NRXN1: variants seen among roughly 807,000 people sequenced by gnomAD.
NRXN1 encodes the protein neurexin-1.
NRXN1 carries 39 observed loss-of-function variants against 150.9 expected under a neutral mutation model. The ratio of observed to expected loss-of-function variants is 0.26; its 90% confidence interval spans 0.20 to 0.34. The LOEUF (loss-of-function observed/expected upper bound fraction) is 0.34, where lower values mean the gene tolerates loss of function less well. NRXN1 is among the 10% of genes least tolerant of loss of function. The pLI is 1.00. For synonymous variants in NRXN1, 924 were observed against 757.0 expected (o/e 1.22, Z -3.62); for missense variants, 1,815 against 1,949.9 (o/e 0.93, Z 1.30).
chr2:50,063,553 C>CACAA (rs1694899767), intron 19 of NRXN1, among the ~76,000 whole-genome samples: 1 of 146,596 alleles, frequency 6.8e-6, no homozygotes, highest in East Asian at 2.0e-4. Flanking sequence ...AACAGACACA[C>CACAA]ACACACACAC....
At chr2:50,286,802 A>G (rs2072244184) in intron 17 of NRXN1, among the ~76,000 whole-genome samples, 2 of 152,138 alleles carry the variant, frequency 1.3e-5, no homozygotes, top group African/African-American at 2.4e-5. Context: ...ATCGCAGAAT[A>G]AGCATTAAGA....
intron 21 of NRXN1, among the ~76,000 whole-genome samples, chr2:50,026,975 A>C (rs1573486285): frequency 7.2e-6 from 1 of 138,890 alleles, no homozygotes; most frequent in South Asian, 2.3e-4. Context: ...TCCGGCTCCC[A>C]GGTTCAAGCG....
At chr2:50,908,585 G>T (rs559593289) in intron 5 of NRXN1, among the ~76,000 whole-genome samples, 1 of 152,116 alleles carries the variant, frequency 6.6e-6, no homozygotes, top group Admixed American at 6.6e-5. Context: ...AGATGGTAAG[G>T]TCTTCAGCAC....
At chr2:50,788,668 G>A (rs537106942) in intron 5 of NRXN1, among the ~76,000 whole-genome samples, 1 of 152,122 alleles carries the variant, frequency 6.6e-6, no homozygotes, top group Admixed American at 6.6e-5. Context: ...TTAAATCAGG[G>A]ATAAGGTTAT....
At chr2:50,066,903 T>C (rs1382516372) in intron 19 of NRXN1, among the ~76,000 whole-genome samples, 1 of 152,172 alleles carries the variant, frequency 6.6e-6, no homozygotes, top group Non-Finnish European at 1.5e-5. Context: ...CTTAAACACA[T>C]ACACACACGC....
intron 17 of NRXN1, among the ~76,000 whole-genome samples, chr2:50,407,353 C>T (rs939630964): frequency 2.0e-5 from 3 of 152,118 alleles, no homozygotes; most frequent in African/African-American, 7.2e-5. Context: ...ATAACAGCTT[C>T]CCATAGGCAA....
At chr2:50,843,754 T>C (rs993599227) in intron 5 of NRXN1, among the ~76,000 whole-genome samples, 2 of 152,168 alleles carry the variant, frequency 1.3e-5, no homozygotes, top group Admixed American at 6.5e-5. Context: ...TGATGGTTAA[T>C]TACAGAAAAC....
intron 5 of NRXN1, among the ~76,000 whole-genome samples, chr2:50,654,694 G>T (rs1003408590): frequency 6.6e-6 from 1 of 152,016 alleles, no homozygotes; most frequent in East Asian, 1.9e-4. Context: ...AGCACCTGTT[G>T]TTTCTTGACT....
intron 21 of NRXN1, among the ~76,000 whole-genome samples, chr2:49,985,929 C>A (rs1398896686): frequency 6.6e-6 from 1 of 152,184 alleles, no homozygotes; most frequent in African/African-American, 2.4e-5. Flanking sequence ...ATTTATGGTA[C>A]AGAATCACTT....
intron 5 of NRXN1, among the ~76,000 whole-genome samples, chr2:50,909,113 A>T (rs1050198024): frequency 1.1e-4 from 17 of 152,114 alleles, no homozygotes; most frequent in Admixed American, 3.3e-4. Flanking sequence ...AGAGAAATTG[A>T]AAACAGAGCA....
At position 50,346,948 on chromosome 2, in the gene NRXN1, A is replaced by C; in HGVS notation, c.3365-109978T>G. 7.3e-7 allele frequency: 1 copy of C among 1,369,272 alleles called. No individual in the cohort carries two copies. Among genetic ancestry groups the C allele is most frequent in the Non-Finnish European group, 9.4e-7 (1 of 1,061,334 alleles). The allele number at this position is 1,369,272 out of a possible 1,614,324, so 84.8% of individuals were successfully genotyped here. ...GCCGCACCGGAGCATCCTCTGGTACATGGCGGGGCGCCCGCCGAGGGGCAG... is the reference window on the plus strand; with the variant it reads ...GCCGCACCGGAGCATCCTCTGGTACCTGGCGGGGCGCCCGCCGAGGGGCAG... On this transcript the variant is annotated intron_variant, in intron 17 of 22. Transcript: ENST00000401669. The surrounding 1 kb of genome is among the most constrained non-coding windows in gnomAD (Gnocchi z 5.0).
At position 51,018,517 on chromosome 2, in the gene NRXN1, C is replaced by A. The variant is rs186783165; in HGVS notation, c.772+8985G>T. 9.2e-3 allele frequency among the ~76,000 whole-genome samples: 1,406 copies of A among 152,184 alleles called. 11 individuals are homozygous for A. Among genetic ancestry groups the A allele is most frequent in the Non-Finnish European group, 0.014 (933 of 68,004 alleles). On this transcript the variant is annotated intron_variant, in intron 2 of 22. Transcript: ENST00000401669. ...GCATTCATCTTTCCAACTCTAAGAACCACTCCTAAGTTCAATTTCAAGCTA... is the reference window on the plus strand; with the variant it reads ...GCATTCATCTTTCCAACTCTAAGAAACACTCCTAAGTTCAATTTCAAGCTA...
chr2:50,215,035 C>A (rs562904345), intron 18 of NRXN1, among the ~76,000 whole-genome samples: 1 of 152,072 alleles, frequency 6.6e-6, no homozygotes, highest in South Asian at 2.1e-4. Flanking sequence ...AGACAGATGG[C>A]GGCAACCCTC....
intron 5 of NRXN1, among the ~76,000 whole-genome samples, chr2:50,850,331 G>C (rs1674337688): frequency 6.6e-6 from 1 of 151,984 alleles, no homozygotes; most frequent in African/African-American, 2.4e-5. Context: ...TTAACAAGGT[G>C]CTGAGTGGCT....
intron 8 of NRXN1, chr2:50,619,252 C>T (rs1173409034): frequency 1.3e-5 from 2 of 152,082 alleles, no homozygotes; most frequent in African/African-American, 4.8e-5. Flanking sequence ...TAAGAGGAAC[C>T]TCTGGTTCCA....
At chr2:50,014,084 C>A (rs1301756026) in intron 21 of NRXN1, among the ~76,000 whole-genome samples, 1 of 151,142 alleles carries the variant, frequency 6.6e-6, no homozygotes, top group East Asian at 1.9e-4. Flanking sequence ...TGTGTCTAGA[C>A]TAAAGAGCTT....
At chr2:50,249,255 C>T (rs1381960754) in intron 17 of NRXN1, among the ~76,000 whole-genome samples, 3 of 151,578 alleles carry the variant, frequency 2.0e-5, no homozygotes, top group African/African-American at 7.3e-5. Context: ...CATATCTCTT[C>T]TAATAAAACA....
chr2:50,307,780 T>A (rs559986409), intron 17 of NRXN1, among the ~76,000 whole-genome samples: 1 of 152,262 alleles, frequency 6.6e-6, no homozygotes, highest in African/African-American at 2.4e-5. Context: ...TTTCAGAGGT[T>A]CCCTTTATCT....
chr2:49,949,814 C>A (rs759474468), intron 21 of NRXN1, among the ~76,000 whole-genome samples: 1 of 151,662 alleles, frequency 6.6e-6, no homozygotes, highest in Non-Finnish European at 1.5e-5. Flanking sequence ...GTTAGTGGGT[C>A]GAGGACAGTG....
Sources: allele counts gnomAD v4.1 joint callset (sites outside exome capture counted in the v4.1 genomes callset), GRCh38; gene constraint gnomAD v4.1.1; non-coding constraint Gnocchi (gnomAD v3.1); transcripts MANE v1.5; gene names NCBI Gene and HGNC (gene_info 2026-07-23, HGNC 2026-07-21).